UST: variants seen among roughly 807,000 people sequenced by gnomAD.
UST encodes chondroitin sulfate 2-O-sulfotransferase.
In UST, 21 loss-of-function variants were observed where a neutral mutation model predicts 45.6. The ratio of observed to expected loss-of-function variants is 0.46; its 90% CI spans 0.33 to 0.66. The LOEUF (loss-of-function observed/expected upper bound fraction) is 0.66, where lower values mean the gene tolerates loss of function less well. UST is among the 30% of genes least tolerant of loss of function. The pLI, the probability that UST is intolerant of heterozygous loss-of-function variation, is 0.02. For missense variants in UST, 463 were observed against 512.4 expected, an observed-to-expected ratio of 0.90 and a Z score of 0.93; for synonymous variants, 215 against 200.6, an observed-to-expected ratio of 1.07 and a Z score of -0.61.
intron 1 of UST, among the ~76,000 whole-genome samples, chr6:148,847,388 G>C (rs1778011641): frequency 6.6e-6 from 1 of 152,368 alleles, no homozygotes; most frequent in Admixed American, 6.5e-5. Context: ...GTGGGCCTCA[G>C]TTGCCTGCTG....
chr6:148,923,296 G>A (rs982905595), intron 2 of UST, among the ~76,000 whole-genome samples: 6 of 152,326 alleles, frequency 3.9e-5, no homozygotes, highest in Middle Eastern at 3.4e-3. Context: ...TATACACCTA[G>A]GAGTGGAATT....
chr6:148,839,398 A>C (rs59540564), intron 1 of UST, among the ~76,000 whole-genome samples: 1,875 of 152,154 alleles, frequency 0.012, 28 homozygotes, highest in African/African-American at 0.044. Flanking sequence ...TCTAAAGCCA[A>C]CCTCTCTGCT....
chr6:149,009,814 C>A (rs12193145), intron 5 of UST, among the ~76,000 whole-genome samples: 1 of 148,194 alleles, frequency 6.7e-6, no homozygotes, highest in East Asian at 1.9e-4. Flanking sequence ...TTCATTATAC[C>A]TTTTGTCTTT....
intron 2 of UST, among the ~76,000 whole-genome samples, chr6:148,938,903 A>G (rs191750527): frequency 8.2e-4 from 124 of 152,122 alleles, no homozygotes; most frequent in African/African-American, 2.8e-3. Context: ...AAGAAAGGAA[A>G]GACATTCATA....
At chr6:148,764,990 C>G (rs1394883469) in intron 1 of UST, among the ~76,000 whole-genome samples, 1 of 152,118 alleles carries the variant, frequency 6.6e-6, no homozygotes, top group Non-Finnish European at 1.5e-5. Context: ...TTAGAGGCCC[C>G]GCCCTAGGAA....
intron 3 of UST, among the ~76,000 whole-genome samples, chr6:148,947,725 C>T (rs1031929511): frequency 1.4e-4 from 21 of 152,094 alleles, no homozygotes; most frequent in Admixed American, 1.2e-3. Flanking sequence ...TTAGAATGAC[C>T]GTCAGAACTT....
At chr6:148,947,450 G>T (rs1001240727) in intron 3 of UST, among the ~76,000 whole-genome samples, 11 of 152,220 alleles carry the variant, frequency 7.2e-5, no homozygotes, top group South Asian at 4.1e-4. Context: ...TTTGTATTTT[G>T]CAGGGGAAAA....
chr6:148,967,294 G>A (rs142101955), intron 5 of UST, among the ~76,000 whole-genome samples: 586 of 151,118 alleles, frequency 3.9e-3, no homozygotes, highest in African/African-American at 0.013. Context: ...AAAGCACTGG[G>A]CTCCCCAAAG....
At chr6:148,933,364 T>G (rs1253411073) in intron 2 of UST, among the ~76,000 whole-genome samples, 2 of 152,212 alleles carry the variant, frequency 1.3e-5, no homozygotes, top group African/African-American at 4.8e-5. Flanking sequence ...ACTATGCACA[T>G]AACAGATAGA....
intron 1 of UST, among the ~76,000 whole-genome samples, chr6:148,874,020 T>C (rs1228446400): frequency 6.6e-6 from 1 of 152,244 alleles, no homozygotes; most frequent in Non-Finnish European, 1.5e-5. Flanking sequence ...CCTACCCGGC[T>C]GCTGGTTAGA....
At chr6:148,924,607 C>T (rs1166914999) in intron 2 of UST, among the ~76,000 whole-genome samples, 1 of 152,180 alleles carries the variant, frequency 6.6e-6, no homozygotes, top group East Asian at 1.9e-4. Context: ...GAGCAATGCC[C>T]TTGTCCCAAT....
At position 148,747,491 on chromosome 6, in the gene UST, A is replaced by T. The variant is rs9498146; in HGVS notation, c.61A>T (p.Met21Leu). 0.047 allele frequency: 70,539 copies of T among 1,515,776 alleles called. 1,781 individuals are homozygous for T. The highest frequency in any genetic ancestry group is 0.085 in the African/African-American group (5,999 of 70,416). 93.9% of individuals were successfully genotyped at this position (1,515,776 alleles called of 1,614,324 possible). The part of the protein sequence containing the change: ...GADPWPHGAP[M>L]GGAPPGLGSW... Reference sequence around the variant, plus strand: ...GGATCCCTGGCCCCATGGGGCCCCTATGGGGGGCGCCCCTCCGGGCCTGGG... The same window carrying T: ...GGATCCCTGGCCCCATGGGGCCCCTTTGGGGGGCGCCCCTCCGGGCCTGGG... Residue 21 changes from methionine to leucine, a missense_variant, in exon 1 of 8, where the codon ATG (methionine) becomes TTG (leucine). This residue lies in a region of UST where 176 missense variants were observed against 138.3 expected (regional missense o/e 1.27). Coordinates refer to ENST00000367463, the MANE Select transcript of UST (RefSeq NM_005715.3).
intron 1 of UST, among the ~76,000 whole-genome samples, chr6:148,767,706 T>C (rs1776347488): frequency 1.3e-5 from 2 of 152,176 alleles, no homozygotes; most frequent in South Asian, 4.1e-4. Context: ...TGTTAATACA[T>C]GCTCATTGTA....
At chr6:148,810,188 A>G (rs576662309) in intron 1 of UST, among the ~76,000 whole-genome samples, 1 of 152,332 alleles carries the variant, frequency 6.6e-6, no homozygotes, top group Non-Finnish European at 1.5e-5. Context: ...GCTGACCATC[A>G]TGGGGTTAAA....
chr6:148,870,104 T>TCACACACACA (rs60229120), intron 1 of UST, among the ~76,000 whole-genome samples: 1,655 of 141,522 alleles, frequency 0.012, 17 homozygotes, highest in East Asian at 0.022. Context: ...TGGTAATGTT[T>TCACACACACA]CACACACACA....
rs150038457 is a variant in UST, at chr6:148,788,099, T to A, written c.247+40422T>A. ...ACAATCATAGGGGAAGGTGAAAGGCTCTTCTTACATTGCAGCGGCAAGAGA... is the reference window on the plus strand; with the variant it reads ...ACAATCATAGGGGAAGGTGAAAGGCACTTCTTACATTGCAGCGGCAAGAGA... On this transcript the variant is annotated intron_variant, in intron 1 of 7. Transcript: ENST00000367463. 5.1e-4 allele frequency among the ~76,000 whole-genome samples: 77 copies of A among 152,260 alleles called. 1 individual carries two copies. The highest frequency in any genetic ancestry group is 2.7e-3 in the South Asian group (13 of 4,822).
chr6:148,834,485 A>C (rs1777749134), intron 1 of UST, among the ~76,000 whole-genome samples: 1 of 152,204 alleles, frequency 6.6e-6, no homozygotes, highest in Non-Finnish European at 1.5e-5. Context: ...TTGTAATCCC[A>C]GCACTTTGGG....
At chr6:148,994,541 C>G (rs1459512926) in intron 5 of UST, among the ~76,000 whole-genome samples, 1 of 152,066 alleles carries the variant, frequency 6.6e-6, no homozygotes, top group African/African-American at 2.4e-5. Flanking sequence ...TTCTCTGATT[C>G]AAGGGTAAGG....
intron 5 of UST, among the ~76,000 whole-genome samples, chr6:149,017,799 T>TATATATATAC (rs956279478): frequency 4.2e-4 from 62 of 148,914 alleles, no homozygotes; most frequent in African/African-American, 1.5e-3. Context: ...TATCCATATA[T>TATATATATAC]ACACACACAC....
Sources: allele counts gnomAD v4.1 joint callset (sites outside exome capture counted in the v4.1 genomes callset), GRCh38; gene constraint gnomAD v4.1.1; regional missense constraint gnomAD v4.1.1; transcripts MANE v1.5; gene names NCBI Gene and HGNC (gene_info 2026-07-23, HGNC 2026-07-21).